EML6: variants seen among roughly 807,000 people sequenced by gnomAD.
The protein encoded by EML6 is EMAP like 6, also known as echinoderm microtubule-associated protein-like 6.
A neutral mutation model predicts 240.1 loss-of-function variants in EML6; 154 were observed. The ratio of observed to expected loss-of-function variants is 0.64; its 90% CI spans 0.56 to 0.73. The LOEUF (loss-of-function observed/expected upper bound fraction) is 0.73, where lower values mean the gene tolerates loss of function less well. Among genes scored for constraint, EML6 ranks in the 30% least tolerant of loss-of-function variants. The pLI is 0.00. For missense variants in EML6, 2,964 were observed against 2,474.6 expected (o/e 1.20, Z -4.20); for synonymous variants, 1,148 against 899.0 (o/e 1.28, Z -4.95).
At chr2:54,923,265 A>G (rs1421855807) in intron 26 of EML6, among the ~76,000 whole-genome samples, 1 of 151,948 alleles carries the variant, frequency 6.6e-6, no homozygotes, top group Non-Finnish European at 1.5e-5. Flanking sequence ...TTTAAGATAA[A>G]TAAGTTCTGG....
chr2:54,867,447 G>C (rs1671031226), intron 14 of EML6: 1 of 152,166 alleles, frequency 6.6e-6, no homozygotes, highest in Non-Finnish European at 1.5e-5. Flanking sequence ...TGCCATAAAT[G>C]TTTGATTCTC....
At chr2:54,892,698 C>A in intron 19 of EML6, 42 bp downstream of exon 19, 1 of 1,478,812 alleles carries the variant, frequency 6.8e-7, no homozygotes, top group Non-Finnish European at 9.2e-7. Context: ...CATCAGCCTT[C>A]TAAAATTATA....
chr2:54,799,725 A>T (rs1401707880), intron 2 of EML6, among the ~76,000 whole-genome samples: 1 of 152,208 alleles, frequency 6.6e-6, no homozygotes. Flanking sequence ...TAAAACGCTT[A>T]CTATCTGACC....
intron 4 of EML6, among the ~76,000 whole-genome samples, 180 bp downstream of exon 4, chr2:54,817,065 G>A (rs1668113890): frequency 6.6e-6 from 1 of 152,138 alleles, no homozygotes. Flanking sequence ...TGCTTCTGGT[G>A]ATCAAGTACT....
At chr2:54,936,105 G>A (rs901618278) in intron 28 of EML6, among the ~76,000 whole-genome samples, 5 of 152,176 alleles carry the variant, frequency 3.3e-5, no homozygotes, top group East Asian at 1.9e-4. Flanking sequence ...TTAAGAGAAA[G>A]CCAGAAATTA....
At chr2:54,892,172 C>A (rs918516267) in intron 18 of EML6, among the ~76,000 whole-genome samples, 1 of 152,184 alleles carries the variant, frequency 6.6e-6, no homozygotes, top group Non-Finnish European at 1.5e-5. Context: ...TCTCTCCAGC[C>A]AGACTCTGAG....
Position 54,903,015 on chromosome 2 carries a change from A to G in EML6, c.3125-29A>G, listed in dbSNP as rs1304879981. ...TTGCTTGACAGTGAAGTTTTGGATA[A>G]TAAGTGTTTTTTGTGGATTCTTCTG... On this transcript the variant is annotated intron_variant, in intron 22 of 41. Coordinates refer to ENST00000356458, the MANE Select transcript of EML6 (RefSeq NM_001039753.4). 7 of 1,544,546 alleles carry G rather than the reference A, an allele frequency of 4.5e-6. No homozygotes were observed. In the African/African-American group the frequency reaches 5.5e-5, roughly 12 times the overall value.
chr2:54,788,122 C>A (rs573941753), intron 2 of EML6, among the ~76,000 whole-genome samples: 19 of 152,322 alleles, frequency 1.2e-4, no homozygotes, highest in Admixed American at 7.8e-4. Context: ...GGAAAGCCTA[C>A]GGCAGAACAC....
rs1358396439 is a variant in EML6 at position 54,774,846 on chromosome 2, AG to A, written c.198-38385del. Among the ~76,000 whole-genome samples the A allele has an allele frequency of 8.5e-5, 13 of 152,364 alleles. No individual in the cohort carries two copies. On this transcript the variant is annotated intron_variant, in intron 2 of 41. Transcript: ENST00000356458. This position sits in a 1 kb window ranked among gnomAD's most constrained non-coding sequence, Gnocchi z 4.1. Reference sequence around the variant, plus strand: ...AATGCTTCTCCTAATGACTTGCATTAGAAAAGATAGTGTTGACATTGCTTTT... The same window carrying A: ...AATGCTTCTCCTAATGACTTGCATTAAAAAGATAGTGTTGACATTGCTTTT...
At chr2:54,820,026 A>C (rs1668258724) in intron 4 of EML6, among the ~76,000 whole-genome samples, 1 of 152,178 alleles carries the variant, frequency 6.6e-6, no homozygotes, top group Non-Finnish European at 1.5e-5. Context: ...TAATTCTTTA[A>C]ATTTCTATTG....
intron 2 of EML6, among the ~76,000 whole-genome samples, chr2:54,792,424 C>T (rs1669502403): frequency 6.6e-6 from 1 of 152,200 alleles, no homozygotes; most frequent in South Asian, 2.1e-4. Flanking sequence ...TTTGAATAGG[C>T]ATCCGATGCC....
chr2:54,771,652 A>T (rs1668406800), intron 2 of EML6, among the ~76,000 whole-genome samples: 1 of 152,276 alleles, frequency 6.6e-6, no homozygotes, highest in Admixed American at 6.5e-5. Context: ...ATGTATGTGT[A>T]TATATGTGTG....
intron 19 of EML6, among the ~76,000 whole-genome samples, chr2:54,893,843 T>A (rs1195586127): frequency 9.2e-5 from 14 of 152,212 alleles, no homozygotes; most frequent in Admixed American, 9.2e-4. Flanking sequence ...GGTGTTGTTT[T>A]GTTTTGTTTT....
intron 2 of EML6, among the ~76,000 whole-genome samples, chr2:54,753,605 G>A (rs1684268535): frequency 6.6e-6 from 1 of 151,556 alleles, no homozygotes; most frequent in South Asian, 2.1e-4. Flanking sequence ...GGTAGAAAAA[G>A]CAGAGGAACA....
At chr2:54,940,293 AAAAG>A (rs1349231320) in intron 28 of EML6, among the ~76,000 whole-genome samples, 4 of 152,242 alleles carry the variant, frequency 2.6e-5, no homozygotes, top group African/African-American at 9.6e-5. Flanking sequence ...AACTGAAACA[AAAAG>A]AAAGTTCTAT....
chr2:54,919,316 G>T (rs568030578), intron 26 of EML6, among the ~76,000 whole-genome samples: 2 of 147,642 alleles, frequency 1.4e-5, no homozygotes, highest in Non-Finnish European at 3.0e-5. Flanking sequence ...TTAAAAGTTG[G>T]TGCAAGGCTT....
intron 24 of EML6, among the ~76,000 whole-genome samples, chr2:54,905,328 AC>A (rs1673268335): frequency 7.6e-5 from 1 of 13,216 alleles, no homozygotes; most frequent in Non-Finnish European, 2.8e-4. Flanking sequence ...TCCGACACAC[AC>A]ACACACACAC....
intron 16 of EML6, among the ~76,000 whole-genome samples, chr2:54,874,713 G>A (rs543453080): frequency 9.2e-5 from 14 of 152,308 alleles, no homozygotes; most frequent in African/African-American, 3.4e-4. Flanking sequence ...TTGACTGGGG[G>A]TTGGGGTGAG....
At chr2:54,751,988 GCC>G (rs1306170699) in intron 2 of EML6, among the ~76,000 whole-genome samples, 9 of 152,138 alleles carry the variant, frequency 5.9e-5, no homozygotes, top group Non-Finnish European at 1.3e-4. Context: ...AACTTCAGCA[GCC>G]TCTATTTGTA....
Sources: gnomAD v4.1 joint callset for allele counts (sites outside exome capture counted in the v4.1 genomes callset) on GRCh38, gnomAD v4.1.1 for gene constraint, Gnocchi (gnomAD v3.1) non-coding constraint, MANE v1.5 for transcripts, NCBI Gene and HGNC (gene_info 2026-07-23, HGNC 2026-07-21) for gene names.